The following CCSER1 variants were observed in gnomAD, a reference collection of about 807,000 sequenced individuals.
CCSER1 encodes the protein serine-rich coiled-coil domain-containing protein 1.
Under a neutral mutation model 82.0 loss-of-function variants are expected in CCSER1, and 41 were observed. The observed-to-expected ratio is 0.50, with a 90% CI of 0.39 to 0.65. The LOEUF is 0.65. Among genes scored for constraint, CCSER1 ranks in the 30% least tolerant of loss-of-function variants. The pLI is 0.00. For missense variants in CCSER1, 1,119 were observed against 1,064.2 expected, an observed-to-expected ratio of 1.05 and a Z score of -0.72; for synonymous variants, 414 against 383.9, an observed-to-expected ratio of 1.08 and a Z score of -0.92.
At chr4:90,142,223 T>G (rs1724924390) in intron 1 of CCSER1, among the ~76,000 whole-genome samples, 1 of 152,212 alleles carries the variant, frequency 6.6e-6, no homozygotes, top group Non-Finnish European at 1.5e-5. Flanking sequence ...GTCATGTAAC[T>G]TAGAGCACCC....
chr4:90,143,678 T>G (rs1189642931), intron 1 of CCSER1, among the ~76,000 whole-genome samples: 1 of 146,786 alleles, frequency 6.8e-6, no homozygotes. Context: ...TACTTCTCCA[T>G]TCCTACTTTT....
At chr4:90,373,802 T>C (rs1217452625) in intron 3 of CCSER1, among the ~76,000 whole-genome samples, 1 of 152,198 alleles carries the variant, frequency 6.6e-6, no homozygotes, top group Non-Finnish European at 1.5e-5. Context: ...ATAGAAGATA[T>C]AGTGCCTCCC....
intron 6 of CCSER1, among the ~76,000 whole-genome samples, chr4:90,690,290 G>C (rs1193522009): frequency 6.6e-6 from 1 of 152,052 alleles, no homozygotes; most frequent in Non-Finnish European, 1.5e-5. Context: ...GAACACTTGA[G>C]TAGAAAAATG....
chr4:90,246,035 A>C (rs1721346133), intron 1 of CCSER1, among the ~76,000 whole-genome samples: 1 of 152,206 alleles, frequency 6.6e-6, no homozygotes, highest in Non-Finnish European at 1.5e-5. Flanking sequence ...AGGAGGGAGA[A>C]TTATTATTTA....
intron 10 of CCSER1, among the ~76,000 whole-genome samples, chr4:91,235,057 GA>G (rs1212363554): frequency 6.6e-6 from 1 of 151,702 alleles, no homozygotes; most frequent in Non-Finnish European, 1.5e-5. Context: ...TGTGCAAAAT[GA>G]AAAAAACAAA....
In CCSER1 at chr4:91,433,383, G is replaced by A. The variant is rs191160442; in HGVS notation, c.2218-165189G>A. Among the ~76,000 whole-genome samples the A allele has an allele frequency of 4.7e-3, 714 of 152,190 alleles. 4 individuals are homozygous for A. Among genetic ancestry groups the A allele is most frequent in the South Asian group, 0.033 (161 of 4,820 alleles). On this transcript the variant is annotated intron_variant, in intron 10 of 10. Coordinates refer to ENST00000509176, the MANE Select transcript of CCSER1 (RefSeq NM_001145065.2). ...AGCCTAAGCGTACAGTGTTTATAAA[G>A]TCTACAGTAGTGTACAGTAATTTCC...
At chr4:91,197,277 T>G (rs1447789965) in intron 10 of CCSER1, among the ~76,000 whole-genome samples, 6 of 152,224 alleles carry the variant, frequency 3.9e-5, no homozygotes, top group African/African-American at 7.2e-5. Context: ...AATTGAAGCC[T>G]TATGTGAATA....
chr4:90,564,928 T>C (rs910420106), intron 5 of CCSER1, among the ~76,000 whole-genome samples: 1 of 152,162 alleles, frequency 6.6e-6, no homozygotes, highest in African/African-American at 2.4e-5. Context: ...TACTATAGCT[T>C]TTTAGAATGT....
intron 5 of CCSER1, among the ~76,000 whole-genome samples, chr4:90,627,202 T>A (rs1349443761): frequency 6.6e-6 from 1 of 152,182 alleles, no homozygotes; most frequent in African/African-American, 2.4e-5. Context: ...AGTTGAATAT[T>A]ATTCAAAAAT....
intron 5 of CCSER1, among the ~76,000 whole-genome samples, chr4:90,478,019 G>A (rs765233998): frequency 5.9e-5 from 9 of 152,096 alleles, no homozygotes; most frequent in Non-Finnish European, 1.0e-4. Flanking sequence ...CTGATTGCCA[G>A]CCCTGGAAAA....
chr4:91,470,557 C>G (rs1757218078), intron 10 of CCSER1, among the ~76,000 whole-genome samples: 1 of 152,042 alleles, frequency 6.6e-6, no homozygotes, highest in Non-Finnish European at 1.5e-5. Flanking sequence ...ACAGGCTCTC[C>G]CAAAGTGCTG....
chr4:91,333,692 CTG>C (rs1464644983), intron 10 of CCSER1, among the ~76,000 whole-genome samples: 1 of 151,892 alleles, frequency 6.6e-6, no homozygotes, highest in African/African-American at 2.4e-5. Context: ...ATAAATATAA[CTG>C]TTTTCATAAT....
At chr4:90,508,440 C>A (rs1299223447) in intron 5 of CCSER1, among the ~76,000 whole-genome samples, 3 of 151,972 alleles carry the variant, frequency 2.0e-5, no homozygotes, top group African/African-American at 7.2e-5. Context: ...ATCTTGCTCA[C>A]ATGAGGTTTC....
chr4:91,372,635 C>G (rs1368906256), intron 10 of CCSER1, among the ~76,000 whole-genome samples: 1 of 151,898 alleles, frequency 6.6e-6, no homozygotes, highest in African/African-American at 2.4e-5. Context: ...CACATAAAAA[C>G]TTACAGAAGT....
At chr4:91,395,351 C>T (rs1751911401) in intron 10 of CCSER1, among the ~76,000 whole-genome samples, 1 of 151,992 alleles carries the variant, frequency 6.6e-6, no homozygotes, top group Non-Finnish European at 1.5e-5. Flanking sequence ...AGAGTGCAGC[C>T]ATTATGTGAG....
chr4:90,998,538 C>T (rs901236210), intron 9 of CCSER1, among the ~76,000 whole-genome samples: 2 of 152,034 alleles, frequency 1.3e-5, no homozygotes, highest in Admixed American at 6.6e-5. Flanking sequence ...TATGGGGATG[C>T]CTGCTTTATT....
At chr4:91,329,364 A>C (rs181683101) in intron 10 of CCSER1, among the ~76,000 whole-genome samples, 145 of 152,366 alleles carry the variant, frequency 9.5e-4, no homozygotes, top group Middle Eastern at 3.4e-3. Context: ...AGTAGAATTC[A>C]CAATAAAATG....
intron 5 of CCSER1, among the ~76,000 whole-genome samples, chr4:90,583,651 G>A (rs1482458775): frequency 6.6e-6 from 1 of 152,010 alleles, no homozygotes; most frequent in Non-Finnish European, 1.5e-5. Context: ...CCTTAGTATT[G>A]ATTTGCAGCC....
chr4:90,749,353 T>C (rs1414093448), intron 7 of CCSER1, among the ~76,000 whole-genome samples: 3 of 151,770 alleles, frequency 2.0e-5, no homozygotes, highest in Non-Finnish European at 2.9e-5. Context: ...GTTGTAGATA[T>C]GCGGCGTTAT....
Sources: allele counts gnomAD v4.1 joint callset (sites outside exome capture counted in the v4.1 genomes callset), GRCh38; gene constraint gnomAD v4.1.1; transcripts MANE v1.5; gene names NCBI Gene and HGNC (gene_info 2026-07-23, HGNC 2026-07-21).